Variants in SH3GL1 observed in about 807,000 individuals in gnomAD.
The protein encoded by SH3GL1 is endophilin-A2.
SH3GL1 carries 21 observed loss-of-function variants against 48.8 expected under a neutral mutation model. The observed-to-expected ratio is 0.43, with a 90% CI of 0.30 to 0.62. The LOEUF is 0.62. Among genes scored for constraint, SH3GL1 ranks in the 20% least tolerant of loss-of-function variants. SH3GL1 has a pLI of 0.11. For missense variants in SH3GL1, 454 were observed against 503.0 expected (o/e 0.90, Z 0.93); for synonymous variants, 282 against 217.5 (o/e 1.30, Z -2.61).
At chr19:4,368,145 C>T (rs11085072) in intron 1 of SH3GL1, among the ~76,000 whole-genome samples, 26,229 of 152,232 alleles carry the variant, frequency 0.17, 2,761 homozygotes, top group Admixed American at 0.25. Context: ...TGTTGCGTGC[C>T]GTGGGCCATG....
At position 4,394,404 on chromosome 19, in the gene SH3GL1, G is replaced by A. The variant is rs75882262; in HGVS notation, c.45+5920C>T. Among the ~76,000 whole-genome samples the A allele has an allele frequency of 8.5e-3, 1,298 of 152,260 alleles. 21 individuals are homozygous for A. The highest frequency in any genetic ancestry group is 0.029 in the African/African-American group (1,225 of 41,538). ...GAGTGGGTGTCACACAGGCAGAAAG[G>A]AGGGAACCAGGGAGATGGGACCATG... On this transcript the variant is annotated intron_variant, in intron 1 of 9. Transcript: ENST00000269886.
At chr19:4,385,100 CA>C (rs774287504) in intron 1 of SH3GL1, among the ~76,000 whole-genome samples, 172 of 109,842 alleles carry the variant, frequency 1.6e-3, no homozygotes, top group African/African-American at 4.1e-3. Flanking sequence ...GACTCCATCT[CA>C]AAAAAAAAAA....
At chr19:4,379,950 C>T (rs1973088498) in intron 1 of SH3GL1, among the ~76,000 whole-genome samples, 1 of 152,208 alleles carries the variant, frequency 6.6e-6, no homozygotes, top group Non-Finnish European at 1.5e-5. Context: ...ATATTCAAAT[C>T]TCTCCCACCC....
chr19:4,372,336 G>A (rs1447412345), intron 1 of SH3GL1, among the ~76,000 whole-genome samples: 1 of 152,246 alleles, frequency 6.6e-6, no homozygotes, highest in Non-Finnish European at 1.5e-5. Flanking sequence ...TGAAGGGGAC[G>A]TGGAGGAGGC....
chr19:4,366,911 C>G lies in SH3GL1; in HGVS notation c.114+15G>C. ...CAGTGCCACCACCACACAGAGCACG[C>G]AGTTTCTTCCTCACCTTCTCCATCT... is the stretch of plus-strand genomic sequence containing the variant. On this transcript the variant is annotated intron_variant, in intron 2 of 9. Transcript: ENST00000269886. The G allele has an allele frequency of 6.2e-7, 1 of 1,612,820 alleles. No individual in the cohort carries two copies. Among genetic ancestry groups the G allele is most frequent in the Non-Finnish European group, 8.5e-7 (1 of 1,178,912 alleles).
intron 1 of SH3GL1, among the ~76,000 whole-genome samples, chr19:4,392,138 C>A (rs1426502477): frequency 1.3e-5 from 2 of 152,222 alleles, no homozygotes; most frequent in Admixed American, 6.5e-5. Context: ...CCCTTACCAG[C>A]CCACACAAAA....
chr19:4,389,486 G>A lies in SH3GL1; in HGVS notation c.45+10838C>T, dbSNP rs1420005419. On this transcript the variant is annotated intron_variant, in intron 1 of 9. Coordinates refer to ENST00000269886, the MANE Select transcript of SH3GL1 (RefSeq NM_003025.4). The surrounding 1 kb of genome is among the most constrained non-coding windows in gnomAD (Gnocchi z 4.5). ...GTACAGGGCCCCACACAGGGTGGGC[G>A]GGAGGGACTGACTGTGTGAGTTCCC... Among the ~76,000 whole-genome samples, 6 of 152,152 alleles carry A rather than the reference G, an allele frequency of 3.9e-5. No individual in the cohort carries two copies. The highest frequency in any genetic ancestry group is 1.9e-4 in the East Asian group (1 of 5,186).
Position 4,392,310 on chromosome 19 carries a change from G to T in SH3GL1, c.45+8014C>A, listed in dbSNP as rs567836157. Among the ~76,000 whole-genome samples, 4 of 152,028 alleles carry T rather than the reference G, an allele frequency of 2.6e-5. No individual in the cohort carries two copies. The East Asian group carries it at 5.8e-4, about 22-fold the overall frequency. On this transcript the variant is annotated intron_variant, in intron 1 of 9. Coordinates refer to ENST00000269886, the MANE Select transcript of SH3GL1 (RefSeq NM_003025.4). ...GGGAGGCAAGGCAGGGAGATCACTA[G>T]GTCAGGAGTTCAACAACAGCCTGGC...
In SH3GL1 at chr19:4,361,742, T is replaced by C. The variant is rs1599586395; in HGVS notation, c.965A>G (p.Asp322Gly). The part of the protein sequence containing the change: ...KALYDFEPEN[D>G]GELGFHEGDV... ...GCCCTCATGGAAGCCCAGCTCCCCG[T>C]CGTTCTCGGGCTCGAAGTCGTACAG... Residue 322 changes from aspartate (D) to glycine (G), a missense_variant, in exon 10 of 10, where the codon GAC (aspartate) becomes GGC (glycine). Around this residue, in one of 2 missense-constraint regions of SH3GL1, gnomAD observed 278 missense variants for 246.8 expected, o/e 1.13. Transcript: ENST00000269886. 6.2e-7 allele frequency: 1 copy of C among 1,612,818 alleles called. No homozygotes were observed. Among genetic ancestry groups the C allele is most frequent in the Non-Finnish European group, 8.5e-7 (1 of 1,179,852 alleles).
Position 4,361,480 on chromosome 19 carries a change from C to G in SH3GL1, c.*120G>C. 1.4e-6 allele frequency: 1 copy of G among 734,148 alleles called. No individual in the cohort carries two copies. Among genetic ancestry groups the G allele is most frequent in the Non-Finnish European group, 2.2e-6 (1 of 445,446 alleles). 45.5% of individuals were successfully genotyped at this position (734,148 alleles called of 1,614,324 possible). A position where few individuals can be genotyped will look rare whatever the true frequency, so the allele number is the denominator to read the frequency against. On this transcript the variant is annotated 3_prime_UTR_variant, in exon 10 of 10. Coordinates refer to ENST00000269886, the MANE Select transcript of SH3GL1 (RefSeq NM_003025.4). ...CAGGGAGTACCTCAAGGGCCGGGGC[C>G]CAGGTGGCGCCGGCAGGCTCAGACA...
In SH3GL1 at chr19:4,365,637, T is replaced by C. The variant is rs775426714; in HGVS notation, c.188-12A>G. ...CTTAGCCCGCGAGGCTGGGATAGGATGGCCAGGTGGGTGTGGGCTGTGAGG... is the reference window on the plus strand; with the variant it reads ...CTTAGCCCGCGAGGCTGGGATAGGACGGCCAGGTGGGTGTGGGCTGTGAGG... On this transcript the variant is annotated splice_polypyrimidine_tract_variant and intron_variant, in intron 3 of 9. Transcript: ENST00000269886. 1.2e-5 allele frequency: 20 copies of C among 1,613,452 alleles called. No individual in the cohort carries two copies. Among genetic ancestry groups the C allele is most frequent in the Non-Finnish European group, 1.4e-5 (17 of 1,180,028 alleles).
chr19:4,373,020 G>A (rs113084042), intron 1 of SH3GL1, among the ~76,000 whole-genome samples: 167 of 152,326 alleles, frequency 1.1e-3, no homozygotes, highest in African/African-American at 3.8e-3. Context: ...GTGGCCCCTG[G>A]GCTCCTGGTC....
rs151132874 is a variant in SH3GL1 at position 4,385,929 on chromosome 19, G to C, written c.45+14395C>G. On this transcript the variant is annotated intron_variant, in intron 1 of 9. Coordinates refer to ENST00000269886, the MANE Select transcript of SH3GL1 (RefSeq NM_003025.4). Reference sequence around the variant, plus strand: ...CTCCTCGTGGGTGGAACGCTGACTTGACCAGAGTCAGCAAGAAGCAAGATA... The same window carrying C: ...CTCCTCGTGGGTGGAACGCTGACTTCACCAGAGTCAGCAAGAAGCAAGATA... 3.2e-4 allele frequency among the ~76,000 whole-genome samples: 48 copies of C among 152,310 alleles called. 1 individual carries two copies. The East Asian group carries it at 8.9e-3, about 28-fold the overall frequency.
chr19:4,399,583 G>A (rs1363830206), intron 1 of SH3GL1, among the ~76,000 whole-genome samples: 1 of 152,162 alleles, frequency 6.6e-6, no homozygotes, highest in Non-Finnish European at 1.5e-5. Flanking sequence ...AGTGGGTGGA[G>A]GCCAGGGGCG....
intron 1 of SH3GL1, among the ~76,000 whole-genome samples, chr19:4,383,739 C>T (rs1973182180): frequency 6.6e-6 from 1 of 152,302 alleles, no homozygotes; most frequent in South Asian, 2.1e-4. Flanking sequence ...CCAACAAAAT[C>T]CCAAAAATGT....
intron 1 of SH3GL1, among the ~76,000 whole-genome samples, chr19:4,374,264 G>A (rs540363711): frequency 3.6e-4 from 55 of 152,354 alleles, no homozygotes; most frequent in African/African-American, 1.1e-3. Context: ...AGCCACGACA[G>A]GAAATTGCTC....
At position 4,362,378 on chromosome 19, in the gene SH3GL1, C is replaced by T. The variant is rs202053998; in HGVS notation, c.861G>A (p.Ser287=). 66 of 1,611,408 alleles carry T rather than the reference C, an allele frequency of 4.1e-5. No homozygotes were observed. In the East Asian group the frequency reaches 7.6e-4, roughly 19 times the overall value. ...CTTAPKIAAS[S]SFRSSDKPIR... Reference sequence around the variant, plus strand: ...TGGGCTTGTCGGAAGATCGGAAAGACGATGAAGCTAAACACAAGCAAAACG... The same window carrying T: ...TGGGCTTGTCGGAAGATCGGAAAGATGATGAAGCTAAACACAAGCAAAACG... Residue 287 remains serine (S), a synonymous_variant, in exon 9 of 10, where the codon TCG becomes TCA. Coordinates refer to ENST00000269886, the MANE Select transcript of SH3GL1 (RefSeq NM_003025.4).
chr19:4,385,457 C>G (rs894204593), intron 1 of SH3GL1, among the ~76,000 whole-genome samples: 2 of 152,194 alleles, frequency 1.3e-5, no homozygotes, highest in African/African-American at 4.8e-5. Context: ...CGACCCCCTA[C>G]CGGCTCCTCT....
At chr19:4,398,813 A>G (rs1172467836) in intron 1 of SH3GL1, among the ~76,000 whole-genome samples, 1 of 152,196 alleles carries the variant, frequency 6.6e-6, no homozygotes, top group Non-Finnish European at 1.5e-5. Flanking sequence ...TTATCTGTCC[A>G]TATCAAATGC....
Sources: gnomAD v4.1 joint callset for allele counts (sites outside exome capture counted in the v4.1 genomes callset) on GRCh38, gnomAD v4.1.1 for gene constraint, gnomAD v4.1.1 regional missense constraint, Gnocchi (gnomAD v3.1) non-coding constraint, MANE v1.5 for transcripts, NCBI Gene and HGNC (gene_info 2026-07-23, HGNC 2026-07-21) for gene names.